Variants in ZFAT observed in about 807,000 individuals in gnomAD.
The protein encoded by ZFAT is zinc finger and AT-hook domain containing.
Under a neutral mutation model 117.7 loss-of-function variants are expected in ZFAT, and 64 were observed. That is an observed-to-expected ratio of 0.54 (90% CI 0.44 to 0.67). ZFAT has a LOEUF of 0.67. ZFAT is among the 30% of genes least tolerant of loss of function. ZFAT has a pLI of 0.00. For synonymous variants in ZFAT, 679 were observed against 615.0 expected, an observed-to-expected ratio of 1.10 and a Z score of -1.54; for missense variants, 1,433 against 1,584.5, an observed-to-expected ratio of 0.90 and a Z score of 1.62.
the ZFAT span, among the ~76,000 whole-genome samples, chr8:134,757,886 C>A: frequency 1.3e-4 from 20 of 152,218 alleles, no homozygotes; most frequent in East Asian, 3.9e-3. Context: ...CAATTCAGAT[C>A]GGCATTGTGG....
At chr8:134,801,405 T>C in the ZFAT span, among the ~76,000 whole-genome samples, 1 of 152,266 alleles carries the variant, frequency 6.6e-6, no homozygotes, top group East Asian at 1.9e-4. Flanking sequence ...GAAGAGGAAA[T>C]CTTCAAATTT....
the ZFAT span, among the ~76,000 whole-genome samples, chr8:134,730,313 A>G: frequency 6.6e-6 from 1 of 152,162 alleles, no homozygotes; most frequent in African/African-American, 2.4e-5. Context: ...ATCTGCATCA[A>G]CCTCGACATC....
At chr8:134,660,455 C>T (rs1335155042) in intron 1 of ZFAT, among the ~76,000 whole-genome samples, 1 of 152,228 alleles carries the variant, frequency 6.6e-6, no homozygotes, top group Non-Finnish European at 1.5e-5. Flanking sequence ...GCAGTAACCA[C>T]AGGTGGGCCC....
chr8:134,627,694 G>A (rs1829608426), intron 3 of ZFAT, among the ~76,000 whole-genome samples: 1 of 152,130 alleles, frequency 6.6e-6, no homozygotes, highest in South Asian at 2.1e-4. Context: ...TACAGTTCTT[G>A]TGTCTGCTGT....
intron 11 of ZFAT, among the ~76,000 whole-genome samples, chr8:134,542,867 G>A (rs1045462055): frequency 6.6e-6 from 1 of 152,084 alleles, no homozygotes; most frequent in African/African-American, 2.4e-5. Context: ...CACAGAAGAA[G>A]AGATGGGGTA....
the ZFAT span, among the ~76,000 whole-genome samples, chr8:134,791,156 A>G: frequency 1.3e-5 from 2 of 152,196 alleles, no homozygotes; most frequent in Non-Finnish European, 2.9e-5. Flanking sequence ...TAAGCTAAGC[A>G]TGGATATTCT....
rs187274186 is a variant in ZFAT at position 134,689,425 on chromosome 8, G to A, written c.19+23420C>T. The stretch of plus-strand genomic sequence containing the variant: ...CTCATTCTTGAATTCCCTCCTGAGC[G>A]AAGCCAAGAACCTGCCCTGCATCAA... On this transcript the variant is annotated intron_variant, in intron 1 of 15. Transcript: ENST00000377838. 1.2e-3 allele frequency among the ~76,000 whole-genome samples: 176 copies of A among 152,290 alleles called. 1 individual carries two copies. Among genetic ancestry groups the A allele is most frequent in the Non-Finnish European group, 2.1e-3 (141 of 68,024 alleles).
chr8:134,548,536 C>A lies in ZFAT; in HGVS notation c.2977-15564G>T, dbSNP rs115106759. 6.3e-3 allele frequency among the ~76,000 whole-genome samples: 953 copies of A among 152,348 alleles called. 12 individuals carry two copies. Among genetic ancestry groups the A allele is most frequent in the African/African-American group, 0.022 (898 of 41,586 alleles). ...TAACTCTGAGTGTGACCAGAAGCCA[C>A]TGAAGTGACAAATATACATGGGGTT... On this transcript the variant is annotated intron_variant, in intron 11 of 15. Transcript: ENST00000377838.
the ZFAT span, among the ~76,000 whole-genome samples, chr8:134,749,704 A>G: frequency 1.3e-5 from 2 of 152,154 alleles, no homozygotes; most frequent in African/African-American, 4.8e-5. Flanking sequence ...AATATGAACA[A>G]TTTCCGGTTG....
the ZFAT span, among the ~76,000 whole-genome samples, chr8:134,779,318 C>G: frequency 5.3e-5 from 8 of 151,898 alleles, no homozygotes; most frequent in Non-Finnish European, 1.0e-4. Flanking sequence ...CAAAACAAAA[C>G]CCTATAAAAC....
the ZFAT span, among the ~76,000 whole-genome samples, chr8:134,779,000 C>T: frequency 4.6e-5 from 7 of 152,278 alleles, no homozygotes; most frequent in East Asian, 1.2e-3. Flanking sequence ...GGTGGGTTCA[C>T]GTTCATGTGC....
rs892776998 is a variant in ZFAT at position 134,668,669 on chromosome 8, A to C, written c.20-10932T>G. Among the ~76,000 whole-genome samples, 8 of 152,254 alleles carry C rather than the reference A, an allele frequency of 5.3e-5. No individual in the cohort carries two copies. In the South Asian group the frequency reaches 1.7e-3, roughly 31 times the overall value. ...AGATGGGGAAAAAACAGAGCAGAAA[A>C]GCTGAAAATTCTAAAAATCAGAGCA... On this transcript the variant is annotated intron_variant, in intron 1 of 15. Coordinates refer to ENST00000377838, the MANE Select transcript of ZFAT (RefSeq NM_020863.4).
At chr8:134,614,307 T>C (rs1444419154) in intron 3 of ZFAT, among the ~76,000 whole-genome samples, 13 of 152,182 alleles carry the variant, frequency 8.5e-5, no homozygotes, top group African/African-American at 2.9e-4. Flanking sequence ...GAACCACAAG[T>C]TGACTGACAC....
intron 15 of ZFAT, among the ~76,000 whole-genome samples, chr8:134,504,340 C>T (rs574362443): frequency 4.6e-5 from 7 of 152,166 alleles, no homozygotes; most frequent in African/African-American, 7.2e-5. Context: ...TCAGAAAGAC[C>T]GAAGATTATC....
the ZFAT span, among the ~76,000 whole-genome samples, chr8:134,827,774 A>G: frequency 6.6e-6 from 1 of 152,074 alleles, no homozygotes; most frequent in South Asian, 2.1e-4. Context: ...TCTAAAAAAA[A>G]AAAAAAAAAA....
At chr8:134,761,288 T>G in the ZFAT span, among the ~76,000 whole-genome samples, 3 of 151,746 alleles carry the variant, frequency 2.0e-5, no homozygotes. Flanking sequence ...GAGGGTATGA[T>G]GGGAGGGAAG....
chr8:134,707,485 C>T (rs1834180729), intron 1 of ZFAT, among the ~76,000 whole-genome samples: 1 of 152,100 alleles, frequency 6.6e-6, no homozygotes, highest in South Asian at 2.1e-4. Flanking sequence ...ATGGTAGCCA[C>T]TCCTGAAGAA....
At chr8:134,687,094 CCTG>C (rs1165576452) in intron 1 of ZFAT, among the ~76,000 whole-genome samples, 1 of 152,202 alleles carries the variant, frequency 6.6e-6, no homozygotes, top group East Asian at 1.9e-4. Context: ...CCTCCTGCCT[CCTG>C]CTGCTCCCCT....
chr8:134,778,641 A>C, the ZFAT span, among the ~76,000 whole-genome samples: 1 of 152,206 alleles, frequency 6.6e-6, no homozygotes, highest in Admixed American at 6.5e-5. Flanking sequence ...TAAATTACCT[A>C]TTACAGTGTA....
Sources: allele counts gnomAD v4.1 joint callset (sites outside exome capture counted in the v4.1 genomes callset), GRCh38; gene constraint gnomAD v4.1.1; transcripts MANE v1.5; gene names NCBI Gene and HGNC (gene_info 2026-07-23, HGNC 2026-07-21).